The following ATP9A variants were observed in gnomAD, a reference collection of about 807,000 sequenced individuals.
ATP9A encodes the protein ATPase phospholipid transporting 9A.
ATP9A carries 52 observed loss-of-function variants against 144.1 expected under a neutral mutation model. The ratio of observed to expected loss-of-function variants is 0.36; its 90% CI spans 0.29 to 0.45. ATP9A has a LOEUF of 0.45. Ranked by LOEUF, ATP9A falls within the 20% of genes least tolerant of loss-of-function variation. The probability of loss-of-function intolerance (pLI) is 1.00; values close to 1 mark genes in which losing one functional copy is unlikely to be tolerated. For synonymous variants in ATP9A, 582 were observed against 557.4 expected (o/e 1.04, Z -0.62); for missense variants, 947 against 1,392.7 (o/e 0.68, Z 5.09).
At chr20:51,658,898 G>T (rs934471515) in intron 13 of ATP9A, among the ~76,000 whole-genome samples, 2 of 133,570 alleles carry the variant, frequency 1.5e-5, no homozygotes, top group South Asian at 2.8e-4. Context: ...CGGGGGGGGG[G>T]GGGGGAAGGC....
At chr20:51,641,536 C>G (rs1034290762) in intron 14 of ATP9A, among the ~76,000 whole-genome samples, 1 of 150,868 alleles carries the variant, frequency 6.6e-6, no homozygotes, top group African/African-American at 2.4e-5. Flanking sequence ...ATAATAGAGC[C>G]GGGCGCGGTG....
At chr20:51,624,526 C>T (rs922867996) in intron 18 of ATP9A, among the ~76,000 whole-genome samples, 4 of 152,158 alleles carry the variant, frequency 2.6e-5, no homozygotes, top group Admixed American at 2.6e-4. Context: ...GACGGTCACT[C>T]TGCTGGGTGG....
intron 10 of ATP9A, 120 bp from the exon 11 acceptor site, chr20:51,674,433 G>C: frequency 1.0e-6 from 1 of 984,674 alleles, no homozygotes; most frequent in East Asian, 2.5e-5. Context: ...GCCTGCCGGA[G>C]AGCTGGTCCT....
chr20:51,662,307 G>A (rs1321528762), intron 13 of ATP9A, among the ~76,000 whole-genome samples: 1 of 152,144 alleles, frequency 6.6e-6, no homozygotes, highest in Admixed American at 6.5e-5. Context: ...CAGCACTTTG[G>A]GGGAAGACGA....
intron 25 of ATP9A, among the ~76,000 whole-genome samples, chr20:51,607,820 G>A (rs1047749807): frequency 2.0e-5 from 3 of 152,008 alleles, no homozygotes; most frequent in African/African-American, 7.2e-5. Context: ...GAGGCAAGTG[G>A]ATCACTTGAG....
chr20:51,751,829 C>A (rs921995973), intron 1 of ATP9A, among the ~76,000 whole-genome samples: 12 of 152,090 alleles, frequency 7.9e-5, no homozygotes, highest in Non-Finnish European at 1.6e-4. Context: ...ACCTCGTGAT[C>A]CGCCCGCCTC....
intron 14 of ATP9A, among the ~76,000 whole-genome samples, chr20:51,655,714 A>G (rs967988964): frequency 1.4e-5 from 2 of 145,822 alleles, no homozygotes; most frequent in Non-Finnish European, 2.9e-5. Context: ...CTTTTGGAAA[A>G]CAGACAGACA....
intron 4 of ATP9A, among the ~76,000 whole-genome samples, chr20:51,705,138 T>C (rs868270010): frequency 3.9e-5 from 6 of 152,236 alleles, no homozygotes; most frequent in Admixed American, 2.0e-4. Flanking sequence ...ATTTAATTAT[T>C]AGCTAAACAA....
intron 1 of ATP9A, among the ~76,000 whole-genome samples, chr20:51,751,222 A>C (rs989827465): frequency 6.7e-6 from 1 of 149,562 alleles, no homozygotes; most frequent in Non-Finnish European, 1.5e-5. Context: ...TTAGGAATGC[A>C]AAACTCTTGA....
intron 1 of ATP9A, among the ~76,000 whole-genome samples, chr20:51,732,771 TG>T (rs1051887187): frequency 4.6e-5 from 7 of 151,674 alleles, no homozygotes; most frequent in Non-Finnish European, 1.0e-4. Context: ...GGACACTCAC[TG>T]AATACATTTT....
rs557141465 is a variant in ATP9A, at chr20:51,689,131, G to A, written c.732C>T (p.Ser244=). 64 of 1,613,534 alleles carry A rather than the reference G, an allele frequency of 4.0e-5. No individual in the cohort carries two copies. The highest frequency in any genetic ancestry group is 1.6e-4 in the Middle Eastern group (1 of 6,080). ...TCAGGCTCTCGCTGATCGGGGGGTC[G>A]CTGTCTTCCTGGAAAAGACCAAACG... The part of the protein sequence containing the change: ...NFVGTFTRED[S]DPPISESLSI... The change falls in exon 9 of 28, where the codon AGC becomes AGT. Residue 244 remains serine (S), a synonymous_variant. Transcript: ENST00000338821.
intron 22 of ATP9A, among the ~76,000 whole-genome samples, chr20:51,616,823 C>G (rs2077204883): frequency 1.3e-5 from 2 of 152,150 alleles, no homozygotes; most frequent in African/African-American, 4.8e-5. Flanking sequence ...AAGCCACACT[C>G]TTCCATAGCG....
intron 2 of ATP9A, among the ~76,000 whole-genome samples, chr20:51,726,889 C>CT (rs55719132): frequency 0.18 from 16,919 of 93,602 alleles, 2,944 homozygotes; most frequent in East Asian, 0.3. Context: ...TGTGTTATTT[C>CT]TTTTTTTTTT....
chr20:51,646,483 G>A (rs959225746), intron 14 of ATP9A, among the ~76,000 whole-genome samples: 7 of 152,188 alleles, frequency 4.6e-5, no homozygotes, highest in Non-Finnish European at 1.0e-4. Context: ...TCTATCCACA[G>A]ACACACGGTT....
rs187970769 is a variant in ATP9A at position 51,693,514 on chromosome 20, T to G, written c.642+494A>C. ...GATGAGAAATCTTTGGAGGGTTGTT[T>G]TTTTTTTATTTTATGGTTATTACTT... On this transcript the variant is annotated intron_variant, in intron 7 of 27. Coordinates refer to ENST00000338821, the MANE Select transcript of ATP9A (RefSeq NM_006045.3). 2.0e-5 allele frequency among the ~76,000 whole-genome samples: 3 copies of G among 152,098 alleles called. No individual in the cohort carries two copies. The East Asian group carries it at 5.8e-4, about 29-fold the overall frequency.
chr20:51,653,546 G>C (rs2077375643), intron 14 of ATP9A, among the ~76,000 whole-genome samples: 1 of 152,168 alleles, frequency 6.6e-6, no homozygotes, highest in African/African-American at 2.4e-5. Flanking sequence ...AGCACTTTAG[G>C]AGGCTGAGGC....
chr20:51,651,362 T>TAA (rs2077365564), intron 14 of ATP9A, among the ~76,000 whole-genome samples: 5 of 142,208 alleles, frequency 3.5e-5, no homozygotes, highest in South Asian at 4.2e-4. Context: ...TATATTTACA[T>TAA]TATATATATT....
At position 51,608,628 on chromosome 20, in the gene ATP9A, T is replaced by G. The variant is rs776484915; in HGVS notation, c.2637-2A>C. 2 of 1,598,776 alleles carry G rather than the reference T, an allele frequency of 1.3e-6. No individual in the cohort carries two copies. The highest frequency in any genetic ancestry group is 1.7e-6 in the Non-Finnish European group (2 of 1,166,138). ...AACATGGTGTAAATTGTGGAGTACC[T>G]GGGAGAGAAAACCGCCATAGGTAAG... is the stretch of plus-strand genomic sequence containing the variant. On this transcript the variant is annotated splice_acceptor_variant, in intron 24 of 27. Transcript: ENST00000338821. LOFTEE classifies it high-confidence loss of function.
At chr20:51,752,464 A>T (rs2077836603) in intron 1 of ATP9A, among the ~76,000 whole-genome samples, 1 of 152,204 alleles carries the variant, frequency 6.6e-6, no homozygotes, top group Non-Finnish European at 1.5e-5. Context: ...CCAGAGACAG[A>T]GTAAGTGCTC....
Sources: gnomAD v4.1 joint callset for allele counts (sites outside exome capture counted in the v4.1 genomes callset) on GRCh38, gnomAD v4.1.1 for gene constraint, MANE v1.5 for transcripts, NCBI Gene and HGNC (gene_info 2026-07-23, HGNC 2026-07-21) for gene names.